The following FILIP1L variants were observed in gnomAD, a reference collection of about 807,000 sequenced individuals.
FILIP1L encodes filamin A interacting protein 1 like, also known as filamin A-interacting protein 1-like.
FILIP1L carries 55 observed loss-of-function variants against 96.6 expected under a neutral mutation model. The ratio of observed to expected loss-of-function variants is 0.57; its 90% confidence interval spans 0.46 to 0.71. The LOEUF (loss-of-function observed/expected upper bound fraction) is 0.71. FILIP1L is among the 30% of genes least tolerant of loss of function. The pLI, the probability that FILIP1L is intolerant of heterozygous loss-of-function variation, is 0.00. For synonymous variants in FILIP1L, 467 were observed against 473.9 expected, an observed-to-expected ratio of 0.99 and a Z score of 0.19; for missense variants, 1,304 against 1,321.2, an observed-to-expected ratio of 0.99 and a Z score of 0.20.
intron 1 of FILIP1L, among the ~76,000 whole-genome samples, chr3:99,998,763 G>T (rs888399068): frequency 6.6e-6 from 1 of 152,148 alleles, no homozygotes; most frequent in African/African-American, 2.4e-5. Flanking sequence ...TAGAGACCGG[G>T]TTTCACCGTA....
chr3:99,970,522 C>T (rs1247495657), intron 1 of FILIP1L, among the ~76,000 whole-genome samples: 1 of 152,250 alleles, frequency 6.6e-6, no homozygotes, highest in East Asian at 1.9e-4. Flanking sequence ...TACCTAATTG[C>T]AGAACACTTT....
intron 3 of FILIP1L, chr3:99,926,004 C>T (rs879421793): frequency 2.3e-5 from 8 of 347,994 alleles, no homozygotes; most frequent in African/African-American, 6.7e-5. Flanking sequence ...TGAAAACACC[C>T]GACTTTCTAG....
intron 4 of FILIP1L, among the ~76,000 whole-genome samples, chr3:99,887,493 A>G (rs1705941874): frequency 6.6e-6 from 1 of 152,220 alleles, no homozygotes; most frequent in African/African-American, 2.4e-5. Context: ...GAGAGGTCAC[A>G]TAAGATGGAT....
rs764581624 is a variant in FILIP1L at position 99,848,786 on chromosome 3, C to T, written c.2890G>A (p.Glu964Lys). 3.3e-5 allele frequency: 54 copies of T among 1,613,966 alleles called. No individual in the cohort carries two copies. Among genetic ancestry groups the T allele is most frequent in the Middle Eastern group, 1.6e-4 (1 of 6,082 alleles). Residue 964 changes from glutamate (E) to lysine (K), a missense_variant, in exon 5 of 6, where the codon GAA (glutamate) becomes AAA (lysine). Physicochemically the swap from Glu to Lys is moderately conservative, Grantham distance 56. Coordinates refer to ENST00000477258, the MANE Select transcript of FILIP1L (RefSeq NM_001387850.1). ...ITPVKSKTSTEDLMNLEQGMS... is the reference protein window; with the variant it reads ...ITPVKSKTSTKDLMNLEQGMS... ...CCTTGTTCTAAATTCATGAGGTCTT[C>T]GGTAGAGGTTTTGGACTTTACTGGT... is the stretch of plus-strand genomic sequence containing the variant.
At chr3:100,104,460 A>T (rs1177668257) in intron 1 of FILIP1L, among the ~76,000 whole-genome samples, 1 of 152,212 alleles carries the variant, frequency 6.6e-6, no homozygotes, top group Non-Finnish European at 1.5e-5. Flanking sequence ...CAATGTGGTT[A>T]CCATTTTATA....
intron 5 of FILIP1L, among the ~76,000 whole-genome samples, chr3:99,839,085 CT>C (rs1943019732): frequency 6.6e-6 from 1 of 152,106 alleles, no homozygotes; most frequent in Non-Finnish European, 1.5e-5. Flanking sequence ...GAGCACCTTT[CT>C]TTTTTCTCTA....
chr3:99,844,531 C>T (rs894584176), intron 5 of FILIP1L, among the ~76,000 whole-genome samples: 6 of 152,298 alleles, frequency 3.9e-5, no homozygotes, highest in African/African-American at 1.4e-4. Context: ...AGGAGACTCA[C>T]TTTGTAAATA....
At chr3:99,858,015 G>A (rs1944056686) in intron 4 of FILIP1L, among the ~76,000 whole-genome samples, 1 of 152,124 alleles carries the variant, frequency 6.6e-6, no homozygotes. Flanking sequence ...GATAGTTCCA[G>A]CACAATTCAG....
chr3:99,942,174 C>T (rs1242784762), intron 1 of FILIP1L, among the ~76,000 whole-genome samples: 2 of 151,430 alleles, frequency 1.3e-5, no homozygotes, highest in African/African-American at 4.9e-5. Flanking sequence ...TGCACTCCAG[C>T]CTGGGTGAGA....
At chr3:99,922,112 G>GGACA (rs1385389369) in intron 4 of FILIP1L, among the ~76,000 whole-genome samples, 1 of 152,148 alleles carries the variant, frequency 6.6e-6, no homozygotes, top group Non-Finnish European at 1.5e-5. Flanking sequence ...CCCTGGGCAG[G>GGACA]GACAGTCTGT....
chr3:100,001,189 C>G (rs1282201212), intron 1 of FILIP1L, among the ~76,000 whole-genome samples: 1 of 152,212 alleles, frequency 6.6e-6, no homozygotes, highest in Admixed American at 6.5e-5. Context: ...TACCCTCTCA[C>G]TTTGTCTCAG....
intron 4 of FILIP1L, among the ~76,000 whole-genome samples, chr3:99,864,226 T>C (rs1208201921): frequency 6.6e-6 from 1 of 151,764 alleles, no homozygotes; most frequent in Non-Finnish European, 1.5e-5. Flanking sequence ...ATTTTCTTAG[T>C]TGAAAAACTG....
chr3:99,998,246 A>G (rs1709739212), intron 1 of FILIP1L, among the ~76,000 whole-genome samples: 1 of 152,198 alleles, frequency 6.6e-6, no homozygotes, highest in African/African-American at 2.4e-5. Flanking sequence ...GCTATTTGTA[A>G]AGGATAAATC....
intron 1 of FILIP1L, among the ~76,000 whole-genome samples, chr3:100,096,689 C>T (rs2066215300): frequency 6.6e-6 from 1 of 151,274 alleles, no homozygotes; most frequent in Non-Finnish European, 1.5e-5. Context: ...ATGAATAACA[C>T]CAGGTATTTG....
chr3:99,836,221 A>C (rs910586372), intron 5 of FILIP1L, among the ~76,000 whole-genome samples: 2 of 152,184 alleles, frequency 1.3e-5, no homozygotes, highest in Non-Finnish European at 2.9e-5. Context: ...GGGGAGTAGT[A>C]GTACAAATAA....
At chr3:100,064,390 C>G (rs576421260) in intron 1 of FILIP1L, among the ~76,000 whole-genome samples, 10 of 152,068 alleles carry the variant, frequency 6.6e-5, no homozygotes, top group Admixed American at 2.0e-4. Flanking sequence ...CCTGACCCCC[C>G]CAACACCCTT....
intron 4 of FILIP1L, among the ~76,000 whole-genome samples, chr3:99,852,124 A>C (rs984418041): frequency 2.6e-5 from 4 of 152,192 alleles, no homozygotes; most frequent in African/African-American, 9.7e-5. Context: ...TCTTCCACTT[A>C]AGTAGTGAGG....
intron 1 of FILIP1L, among the ~76,000 whole-genome samples, chr3:99,972,079 T>C (rs1708839267): frequency 1.3e-5 from 2 of 152,206 alleles, no homozygotes; most frequent in South Asian, 2.1e-4. Flanking sequence ...ACGAATATTA[T>C]TGAGAGGAAC....
intron 1 of FILIP1L, among the ~76,000 whole-genome samples, chr3:100,105,775 T>G (rs1252617594): frequency 6.6e-6 from 1 of 152,194 alleles, no homozygotes; most frequent in Non-Finnish European, 1.5e-5. Flanking sequence ...TGCTTCTTAC[T>G]GTTGTCACTC....
Sources: gnomAD v4.1 joint callset for allele counts (sites outside exome capture counted in the v4.1 genomes callset) on GRCh38, gnomAD v4.1.1 for gene constraint, MANE v1.5 for transcripts, NCBI Gene and HGNC (gene_info 2026-07-23, HGNC 2026-07-21) for gene names.